Variants in DIRAS1 observed in about 807,000 individuals in gnomAD.
DIRAS1 encodes the protein DIRAS family GTPase 1.
DIRAS1 carries 3 observed loss-of-function variants against 11.5 expected under a neutral mutation model. The ratio of observed to expected loss-of-function variants is 0.26; its 90% confidence interval spans 0.12 to 0.67. The LOEUF is 0.67. Ranked by LOEUF, DIRAS1 falls within the 30% of genes least tolerant of loss-of-function variation. The pLI, the probability that DIRAS1 is intolerant of heterozygous loss-of-function variation, is 0.80. For missense variants in DIRAS1, 212 were observed against 285.3 expected, an observed-to-expected ratio of 0.74 and a Z score of 1.85; for synonymous variants, 128 against 125.8, an observed-to-expected ratio of 1.02 and a Z score of -0.12.
intron 1 of DIRAS1, among the ~76,000 whole-genome samples, chr19:2,720,425 G>C (rs1331734504): frequency 1.3e-5 from 2 of 152,258 alleles, no homozygotes; most frequent in African/African-American, 4.8e-5. Flanking sequence ...CGCCTGGGGG[G>C]TGCGGGTGGA....
rs753956532 is a variant in DIRAS1 at position 2,717,330 on chromosome 19, C to T, written c.477G>A (p.Glu159=). 1.6e-5 allele frequency: 25 copies of T among 1,611,720 alleles called. No homozygotes were observed. The South Asian group carries it at 2.5e-4, about 16-fold the overall frequency. Residue 159 remains glutamate, a synonymous_variant, in exon 2 of 2, where the codon GAG becomes GAA. Transcript: ENST00000323469. ...TSAKMNYNVK[E]LFQELLTLET... is the part of the protein sequence containing the mutation. ...CCAGCGTCAGCAGCTCCTGGAAGAG[C>T]TCCTTGACGTTGTAGTTCATCTTGG... is the stretch of plus-strand genomic sequence containing the variant.
At position 2,717,600 on chromosome 19, in the gene DIRAS1, C is replaced by G. The variant is rs369856700; in HGVS notation, c.207G>C (p.Pro69=). ...TGGAGATGGACAGGCGCTGCATGGCCGGGAACTGGTGGCTGCCGGTGGTGT... is the reference window on the plus strand; with the variant it reads ...TGGAGATGGACAGGCGCTGCATGGCGGGGAACTGGTGGCTGCCGGTGGTGT... ...ITDTTGSHQF[P]AMQRLSISKG... is the part of the protein sequence containing the mutation. Residue 69 remains proline, a synonymous_variant, in exon 2 of 2, where the codon CCG becomes CCC. Transcript: ENST00000323469. 3.1e-6 allele frequency: 5 copies of G among 1,613,366 alleles called. No homozygotes were observed. The highest frequency in any genetic ancestry group is 4.2e-6 in the Non-Finnish European group (5 of 1,179,886).
rs529918266 is a variant in DIRAS1, at chr19:2,717,070, G to T, written c.*140C>A. The stretch of plus-strand genomic sequence containing the variant: ...CGGGGTGGGCAGGGGCAGCGGAGGG[G>T]GGGGCGGTGGCCTCGGTTTCCCCAG... On this transcript the variant is annotated 3_prime_UTR_variant, in exon 2 of 2. Transcript: ENST00000323469. The T allele has an allele frequency of 4.4e-3, 3,815 of 858,262 alleles. 121 individuals carry two copies. In the African/African-American group the frequency reaches 0.058, roughly 13 times the overall value. 53.2% of individuals were successfully genotyped at this position (858,262 alleles called of 1,614,324 possible).
chr19:2,717,346 T>A lies in DIRAS1; in HGVS notation c.461A>T (p.Asn154Ile). The A allele has an allele frequency of 6.2e-7, 1 of 1,611,034 alleles. No individual in the cohort carries two copies. The highest frequency in any genetic ancestry group is 8.5e-7 in the Non-Finnish European group (1 of 1,179,980). Residue 154 changes from asparagine (N) to isoleucine (I), a missense_variant, in exon 2 of 2, where the codon AAC becomes ATC. Asn to Ile is a moderately radical substitution (Grantham distance 149). Coordinates refer to ENST00000323469, the MANE Select transcript of DIRAS1 (RefSeq NM_145173.4). ...CTGGAAGAGCTCCTTGACGTTGTAG[T>A]TCATCTTGGCCGAGGTCTCCATGAA... is the stretch of plus-strand genomic sequence containing the variant. ...CAFMETSAKM[N>I]YNVKELFQEL...
Position 2,717,161 on chromosome 19 carries a change from G to T in DIRAS1, c.*49C>A, listed in dbSNP as rs1384380443. The stretch of plus-strand genomic sequence containing the variant: ...GAGGAGGGTGTCGGTGTTGGGGGAG[G>T]CAGCGGGGGTCAGTGGGGGTGGGCG... On this transcript the variant is annotated 3_prime_UTR_variant, in exon 2 of 2. Coordinates refer to ENST00000323469, the MANE Select transcript of DIRAS1 (RefSeq NM_145173.4). 35 of 1,504,384 alleles carry T rather than the reference G, an allele frequency of 2.3e-5. No individual in the cohort carries two copies. The highest frequency in any genetic ancestry group is 3.0e-5 in the Non-Finnish European group (34 of 1,122,204). 93.2% of individuals were successfully genotyped at this position (1,504,384 alleles called of 1,614,324 possible).
Position 2,718,184 on chromosome 19 carries a change from G to A in DIRAS1, c.-69-309C>T, listed in dbSNP as rs1295469928. ...CGAAACTCCTTCCCCGGGTGTGGGT[G>A]TCCCTTCCAGGCTGTGCCAGCTTCC... On this transcript the variant is annotated intron_variant, in intron 1 of 1. Coordinates refer to ENST00000323469, the MANE Select transcript of DIRAS1 (RefSeq NM_145173.4). The surrounding 1 kb of genome is among the most constrained non-coding windows in gnomAD (Gnocchi z 4.2). 6.6e-6 allele frequency among the ~76,000 whole-genome samples: 1 copy of A among 152,250 alleles called. No homozygotes were observed. The highest frequency in any genetic ancestry group is 1.5e-5 in the Non-Finnish European group (1 of 68,046).
intron 1 of DIRAS1, 53 bp from the exon 2 acceptor site, chr19:2,717,928 GC>G: frequency 9.8e-7 from 1 of 1,020,040 alleles, no homozygotes; most frequent in Non-Finnish European, 1.4e-6. Context: ...TGAGGGGACA[GC>G]CCCACGCCCC....
chr19:2,717,888 G>T lies in DIRAS1; in HGVS notation c.-69-13C>A. The T allele has an allele frequency of 1.4e-6, 2 of 1,406,900 alleles. No individual in the cohort carries two copies. Among genetic ancestry groups the T allele is most frequent in the Non-Finnish European group, 1.9e-6 (2 of 1,050,660 alleles). 87.2% of individuals were successfully genotyped at this position (1,406,900 alleles called of 1,614,324 possible). On this transcript the variant is annotated splice_polypyrimidine_tract_variant and intron_variant, in intron 1 of 1. Coordinates refer to ENST00000323469, the MANE Select transcript of DIRAS1 (RefSeq NM_145173.4). ...CCCCAGACCGAGCCTGTGCAGAGAG[G>T]AGGGTCACACGTCAAAGGCCACCCA... is the stretch of plus-strand genomic sequence containing the variant.
rs1423805687 is a variant in DIRAS1, at chr19:2,715,672, T to C, written c.*1538A>G. Reference sequence around the variant, plus strand: ...ATAAGCATGTGTTGTTTCTGGTTGCTACATTTGTGGTCATTTGTTACACAG... The same window carrying C: ...ATAAGCATGTGTTGTTTCTGGTTGCCACATTTGTGGTCATTTGTTACACAG... On this transcript the variant is annotated 3_prime_UTR_variant, in exon 2 of 2. Coordinates refer to ENST00000323469, the MANE Select transcript of DIRAS1 (RefSeq NM_145173.4). 1.3e-5 allele frequency: 2 copies of C among 152,246 alleles called. No homozygotes were observed. The highest frequency in any genetic ancestry group is 3.8e-4 in the East Asian group (2 of 5,206). The allele number at this position is 152,246 out of a possible 1,614,324, so 9.4% of individuals were successfully genotyped here. A position where few individuals can be genotyped will look rare whatever the true frequency, so the allele number is the denominator to read the frequency against.
In DIRAS1 at chr19:2,718,855, CTGTT is replaced by C. The variant is rs1913889726; in HGVS notation, c.-69-984_-69-981del. 6.6e-6 allele frequency among the ~76,000 whole-genome samples: 1 copy of C among 151,756 alleles called. No homozygotes were observed. The highest frequency in any genetic ancestry group is 6.6e-5 in the Admixed American group (1 of 15,200). ...ATTTTTTTTAAAACCAAGTCTTGCT[CTGTT>C]GCCCAGGTTGGAGTTCAGTGGTGCA... On this transcript the variant is annotated intron_variant, in intron 1 of 1. Transcript: ENST00000323469. This position sits in a 1 kb window ranked among gnomAD's most constrained non-coding sequence, Gnocchi z 4.2.
chr19:2,720,054 C>T (rs1012945815), intron 1 of DIRAS1, among the ~76,000 whole-genome samples: 2 of 152,136 alleles, frequency 1.3e-5, no homozygotes, highest in African/African-American at 4.8e-5. Flanking sequence ...CTCGGCAATG[C>T]CAACTCATGT....
rs566347972 is a variant in DIRAS1 at position 2,714,867 on chromosome 19, C to T, written c.*2343G>A. ...TGGGCAGGGCCCCAAGGAGATTGTGCTATCAGGGTGTGTCCCTGAGAAAGG... is the reference window on the plus strand; with the variant it reads ...TGGGCAGGGCCCCAAGGAGATTGTGTTATCAGGGTGTGTCCCTGAGAAAGG... On this transcript the variant is annotated 3_prime_UTR_variant, in exon 2 of 2. Coordinates refer to ENST00000323469, the MANE Select transcript of DIRAS1 (RefSeq NM_145173.4). 6.5e-6 allele frequency: 1 copy of T among 152,800 alleles called. No individual in the cohort carries two copies. The highest frequency in any genetic ancestry group is 1.9e-4 in the East Asian group (1 of 5,190). The allele number at this position is 152,800 out of a possible 1,614,324, so 9.5% of individuals were successfully genotyped here.
At chr19:2,719,701 G>A (rs1246405086) in intron 1 of DIRAS1, among the ~76,000 whole-genome samples, 1 of 151,854 alleles carries the variant, frequency 6.6e-6, no homozygotes, top group African/African-American at 2.4e-5. Flanking sequence ...GGGTCCAGAG[G>A]TTCCCCGGGG....
rs1913844671 is a variant in DIRAS1 at position 2,717,369 on chromosome 19, G to A, written c.438C>T (p.Phe146=). ...AGTTCATCTTGGCCGAGGTCTCCAT[G>A]AAAGCGCACTTCCACTCCTGGGCCA... ...QAVAQEWKCA[F]METSAKMNYN... The change falls in exon 2 of 2, where the codon TTC becomes TTT. Residue 146 remains phenylalanine (F), a synonymous_variant. Transcript: ENST00000323469. 4 of 1,609,376 alleles carry A rather than the reference G, an allele frequency of 2.5e-6. No homozygotes were observed. The highest frequency in any genetic ancestry group is 3.4e-6 in the Non-Finnish European group (4 of 1,179,980).
rs866128966 is a variant in DIRAS1 at position 2,717,718 on chromosome 19, C to T, written c.89G>A (p.Gly30Asp). 1 of 1,608,736 alleles carries T rather than the reference C, an allele frequency of 6.2e-7. No homozygotes were observed. The highest frequency in any genetic ancestry group is 8.5e-7 in the Non-Finnish European group (1 of 1,179,984). The change falls in exon 2 of 2, where the codon GGC (glycine) becomes GAC (aspartate). Residue 30 changes from glycine to aspartate, a missense_variant. Transcript: ENST00000323469. ...KSSLVLRFVKGTFRDTYIPTI... is the reference protein window; with the variant it reads ...KSSLVLRFVKDTFRDTYIPTI... ...GGGGATGTAGGTGTCGCGGAACGTG[C>T]CCTTCACGAAGCGCAGCACCAGCGA... is the stretch of plus-strand genomic sequence containing the variant.
intron 1 of DIRAS1, among the ~76,000 whole-genome samples, chr19:2,720,319 T>C (rs904596448): frequency 5.9e-5 from 9 of 152,198 alleles, no homozygotes; most frequent in Admixed American, 2.0e-4. Flanking sequence ...CCAGCCCCCA[T>C]GAGCAGTACT....
At position 2,717,851 on chromosome 19, in the gene DIRAS1, C is replaced by T. The variant is rs1913863662; in HGVS notation, c.-45G>A. The T allele has an allele frequency of 6.5e-7, 1 of 1,531,118 alleles. No individual in the cohort carries two copies. The highest frequency in any genetic ancestry group is 8.8e-7 in the Non-Finnish European group (1 of 1,141,518). The allele number at this position is 1,531,118 out of a possible 1,614,324, so 94.8% of individuals were successfully genotyped here. On this transcript the variant is annotated 5_prime_UTR_variant, in exon 2 of 2. Coordinates refer to ENST00000323469, the MANE Select transcript of DIRAS1 (RefSeq NM_145173.4). ...CGGCCGGGGCCGGGAGGGCTGGTGC[C>T]AGCTGCAAGAACCCCAGACCGAGCC...
At chr19:2,720,391 G>T (rs1327875973) in intron 1 of DIRAS1, among the ~76,000 whole-genome samples, 4 of 152,236 alleles carry the variant, frequency 2.6e-5, no homozygotes, top group Non-Finnish European at 5.9e-5. Context: ...CAGCCCCGAA[G>T]CCCACGCCAC....
Position 2,717,541 on chromosome 19 carries a change from G to T in DIRAS1, c.266C>A (p.Thr89Asn). 2 of 1,613,276 alleles carry T rather than the reference G, an allele frequency of 1.2e-6. No homozygotes were observed. The highest frequency in any genetic ancestry group is 1.7e-6 in the Non-Finnish European group (2 of 1,179,908). The change falls in exon 2 of 2, where the codon ACC becomes AAC. Residue 89 changes from threonine to asparagine, a missense_variant. Thr to Asn is a moderately conservative substitution (Grantham distance 65). This residue lies in a region of DIRAS1 where 128 missense variants were observed against 205.3 expected (regional missense o/e 0.62). Transcript: ENST00000323469. ...GHAFILVFSV[T>N]SKQSLEELGP... ...CAGCTCCTCCAGCGACTGCTTGCTG[G>T]TGACGGAGAACACCAGGATGAAGGC...
Sources: gnomAD v4.1 joint callset for allele counts (sites outside exome capture counted in the v4.1 genomes callset) on GRCh38, gnomAD v4.1.1 for gene constraint, gnomAD v4.1.1 regional missense constraint, Gnocchi (gnomAD v3.1) non-coding constraint, MANE v1.5 for transcripts, NCBI Gene and HGNC (gene_info 2026-07-23, HGNC 2026-07-21) for gene names.